TNFAIP8: variants seen among roughly 807,000 people sequenced by gnomAD.
The protein encoded by TNFAIP8 is TNF alpha induced protein 8, also known as tumor necrosis factor alpha-induced protein 8.
In TNFAIP8, 7 loss-of-function variants were observed where a neutral mutation model predicts 13.3. That is an observed-to-expected ratio of 0.52 (90% confidence interval 0.30 to 0.99). TNFAIP8 has a LOEUF of 0.99. Among genes scored for constraint, TNFAIP8 ranks in the 50% least tolerant of loss-of-function variants. The pLI is 0.07. For missense variants in TNFAIP8, 258 were observed against 236.9 expected (o/e 1.09, Z -0.58); for synonymous variants, 94 against 87.6 (o/e 1.07, Z -0.41).
chr5:119,375,153 A>G (rs71585215), intron 1 of TNFAIP8, among the ~76,000 whole-genome samples: 310 of 152,304 alleles, frequency 2.0e-3, no homozygotes, highest in Non-Finnish European at 3.6e-3. Flanking sequence ...AGGAATTGCT[A>G]TTTGCTGCTT....
At chr5:119,315,169 G>A (rs191176147) in intron 1 of TNFAIP8, among the ~76,000 whole-genome samples, 2 of 152,254 alleles carry the variant, frequency 1.3e-5, no homozygotes, top group East Asian at 1.9e-4. Flanking sequence ...TACAAGCTCC[G>A]CCTCCGGGGT....
upstream of TNFAIP8, chr5:119,354,488 G>T (rs1198226741): frequency 6.6e-6 from 1 of 152,062 alleles, no homozygotes; most frequent in Non-Finnish European, 1.5e-5. Context: ...CACTGCTTGT[G>T]AATAGCATAA....
At chr5:119,305,553 C>T (rs1749524547) in intron 1 of TNFAIP8, among the ~76,000 whole-genome samples, 1 of 152,082 alleles carries the variant, frequency 6.6e-6, no homozygotes, top group African/African-American at 2.4e-5. Flanking sequence ...TTGATCACAC[C>T]TTTGAATAGC....
intron 1 of TNFAIP8, among the ~76,000 whole-genome samples, chr5:119,357,183 A>G (rs957638326): frequency 4.6e-5 from 7 of 152,116 alleles, no homozygotes; most frequent in Non-Finnish European, 1.0e-4. Context: ...GCTCACGTTT[A>G]CCTTATTATG....
chr5:119,381,560 A>T (rs1050582220), intron 1 of TNFAIP8, among the ~76,000 whole-genome samples: 3 of 152,022 alleles, frequency 2.0e-5, no homozygotes, highest in Non-Finnish European at 1.5e-5. Context: ...AATAAAAATT[A>T]AAAAAACGGA....
chr5:119,351,630 G>A (rs971396375), upstream of TNFAIP8, among the ~76,000 whole-genome samples: 2 of 152,164 alleles, frequency 1.3e-5, no homozygotes, highest in Admixed American at 6.5e-5. Context: ...TCGCTAAGTT[G>A]AGGAGCATCT....
chr5:119,386,684 T>G (rs1029055582), intron 1 of TNFAIP8, among the ~76,000 whole-genome samples: 1 of 152,232 alleles, frequency 6.6e-6, no homozygotes, highest in Non-Finnish European at 1.5e-5. Flanking sequence ...TGCCTGTCAC[T>G]GGTTCTTAAC....
At chr5:119,317,394 A>G (rs1749930568) in intron 1 of TNFAIP8, among the ~76,000 whole-genome samples, 1 of 152,150 alleles carries the variant, frequency 6.6e-6, no homozygotes, top group African/African-American at 2.4e-5. Flanking sequence ...AAGAAATTAT[A>G]TAAGAAATCT....
chr5:119,385,183 G>C (rs1752623616), intron 1 of TNFAIP8, among the ~76,000 whole-genome samples: 1 of 152,242 alleles, frequency 6.6e-6, no homozygotes, highest in Admixed American at 6.5e-5. Context: ...ATGACCTCCA[G>C]TGTAGAAGAT....
chr5:119,313,633 G>A (rs979475622), intron 1 of TNFAIP8, among the ~76,000 whole-genome samples: 2 of 152,174 alleles, frequency 1.3e-5, no homozygotes, highest in African/African-American at 4.8e-5. Context: ...TTTATTAATA[G>A]AATTGTCAGT....
intron 1 of TNFAIP8, among the ~76,000 whole-genome samples, chr5:119,274,792 A>G (rs941082081): frequency 6.6e-6 from 1 of 152,210 alleles, no homozygotes; most frequent in African/African-American, 2.4e-5. Context: ...GGCAGCTACA[A>G]AAGTGATACA....
intron 1 of TNFAIP8, among the ~76,000 whole-genome samples, chr5:119,303,001 C>T (rs1205149796): frequency 2.0e-5 from 3 of 152,074 alleles, no homozygotes; most frequent in Non-Finnish European, 4.4e-5. Flanking sequence ...TAGAACTTTG[C>T]TTGGAAGGAC....
At chr5:119,338,368 A>T (rs1394503050) in intron 1 of TNFAIP8, among the ~76,000 whole-genome samples, 1 of 152,192 alleles carries the variant, frequency 6.6e-6, no homozygotes, top group Non-Finnish European at 1.5e-5. Flanking sequence ...TCGGAGAGGA[A>T]GATCAGGGAC....
chr5:119,273,772 C>T (rs1013133195), intron 1 of TNFAIP8, among the ~76,000 whole-genome samples: 10 of 152,082 alleles, frequency 6.6e-5, no homozygotes, highest in African/African-American at 2.2e-4. Context: ...GCGTGAGGTC[C>T]GGGAGGCCCA....
chr5:119,356,305 C>T (rs752648680), intron 1 of TNFAIP8, among the ~76,000 whole-genome samples, 184 bp downstream of exon 1: 2 of 152,154 alleles, frequency 1.3e-5, no homozygotes, highest in African/African-American at 4.8e-5. Context: ...GCTCCCTTCT[C>T]CCCCCGCAGC....
At chr5:119,283,222 G>A (rs932202862) in intron 1 of TNFAIP8, among the ~76,000 whole-genome samples, 2 of 152,104 alleles carry the variant, frequency 1.3e-5, no homozygotes, top group African/African-American at 2.4e-5. Flanking sequence ...GGGCCATTCC[G>A]ACTTTTTCTT....
intron 1 of TNFAIP8, among the ~76,000 whole-genome samples, chr5:119,279,045 A>G (rs1328120762): frequency 6.6e-6 from 1 of 152,194 alleles, no homozygotes; most frequent in Non-Finnish European, 1.5e-5. Context: ...ATCATGGCAA[A>G]CACTTGTTGA....
At chr5:119,282,377 C>T (rs1393309984) in intron 1 of TNFAIP8, among the ~76,000 whole-genome samples, 2 of 152,082 alleles carry the variant, frequency 1.3e-5, no homozygotes, top group East Asian at 3.8e-4. Context: ...GGGAACTGTC[C>T]CATCCCTTTG....
intron 1 of TNFAIP8, among the ~76,000 whole-genome samples, chr5:119,300,801 C>T (rs1254728906): frequency 1.3e-5 from 2 of 152,144 alleles, no homozygotes; most frequent in Non-Finnish European, 2.9e-5. Context: ...CATTAAAAGC[C>T]TTTTCCCCAC....
Sources: gnomAD v4.1 joint callset for allele counts (sites outside exome capture counted in the v4.1 genomes callset) on GRCh38, gnomAD v4.1.1 for gene constraint, MANE v1.5 for transcripts, NCBI Gene and HGNC (gene_info 2026-07-23, HGNC 2026-07-21) for gene names.